DIP2B: variants seen among roughly 807,000 people sequenced by gnomAD.
DIP2B encodes disco-interacting protein 2 homolog B.
A neutral mutation model predicts 198.0 loss-of-function variants in DIP2B; 76 were observed. The ratio of observed to expected loss-of-function variants is 0.38; its 90% CI spans 0.32 to 0.46. The LOEUF is 0.46. Ranked by LOEUF, DIP2B falls within the 20% of genes least tolerant of loss-of-function variation. The pLI is 0.99. For missense variants in DIP2B, 1,559 were observed against 1,978.4 expected (o/e 0.79, Z 4.02); for synonymous variants, 701 against 739.1 (o/e 0.95, Z 0.84).
chr12:50,579,606 C>T (rs1198781746), intron 1 of DIP2B, among the ~76,000 whole-genome samples: 6 of 65,178 alleles, frequency 9.2e-5, no homozygotes, highest in Non-Finnish European at 1.6e-4. Context: ...AGTGAGACTC[C>T]GTCTCAAAAA....
chr12:50,540,786 C>G (rs1373682290), intron 1 of DIP2B, among the ~76,000 whole-genome samples: 1 of 151,764 alleles, frequency 6.6e-6, no homozygotes. Flanking sequence ...ATCCGCCCGC[C>G]TCGGCCTCCC....
chr12:50,714,685 T>G lies in DIP2B; in HGVS notation c.2851+89T>G, dbSNP rs185156191. On this transcript the variant is annotated intron_variant, in intron 23 of 37. Transcript: ENST00000301180. ...GTGTGATTCTTTCTCTACAATTAGTTTACAAAGACTTTGGGAGGCCAAGGT... is the reference window on the plus strand; with the variant it reads ...GTGTGATTCTTTCTCTACAATTAGTGTACAAAGACTTTGGGAGGCCAAGGT... 136 of 1,511,520 alleles carry G rather than the reference T, an allele frequency of 9.0e-5. 1 individual carries two copies. The highest frequency in any genetic ancestry group is 7.2e-4 in the Middle Eastern group (4 of 5,564). The allele number at this position is 1,511,520 out of a possible 1,614,324, so 93.6% of individuals were successfully genotyped here.
chr12:50,674,827 TC>T (rs1285910029), intron 6 of DIP2B, among the ~76,000 whole-genome samples, 198 bp downstream of exon 6: 2 of 152,170 alleles, frequency 1.3e-5, no homozygotes, highest in African/African-American at 4.8e-5. Context: ...AGTGGATACT[TC>T]CAGATGATAC....
intron 3 of DIP2B, among the ~76,000 whole-genome samples, chr12:50,650,376 G>A (rs1261467996): frequency 6.6e-6 from 1 of 152,148 alleles, no homozygotes; most frequent in South Asian, 2.1e-4. Context: ...ATACGTTACC[G>A]TATTGGTAAC....
At chr12:50,529,270 C>T (rs867066307) in intron 1 of DIP2B, among the ~76,000 whole-genome samples, 14 of 152,194 alleles carry the variant, frequency 9.2e-5, no homozygotes, top group African/African-American at 2.6e-4. Context: ...CTTGCCTGTA[C>T]GACAGAGTAA....
chr12:50,655,413 A>G (rs796197074), intron 3 of DIP2B, among the ~76,000 whole-genome samples: 6 of 152,326 alleles, frequency 3.9e-5, no homozygotes, highest in African/African-American at 1.2e-4. Flanking sequence ...GGGTAGTAAT[A>G]CTTCTTTAAG....
chr12:50,650,955 A>G (rs1458622615), intron 3 of DIP2B, among the ~76,000 whole-genome samples: 1 of 152,118 alleles, frequency 6.6e-6, no homozygotes, highest in Non-Finnish European at 1.5e-5. Flanking sequence ...ATTTCTCCAA[A>G]TCCTCTTCAA....
At chr12:50,734,327 ATTTGTT>A in intron 33 of DIP2B, 131 bp downstream of exon 33, 1 of 869,078 alleles carries the variant, frequency 1.2e-6, no homozygotes, top group East Asian at 2.5e-5. Context: ...GAGGGAAGGA[ATTTGTT>A]TTTATCATTA....
intron 1 of DIP2B, among the ~76,000 whole-genome samples, chr12:50,561,483 A>C (rs576538180): frequency 6.6e-6 from 1 of 151,994 alleles, no homozygotes; most frequent in African/African-American, 2.4e-5. Flanking sequence ...CTGTGAAACT[A>C]TTCAGAGTAC....
rs138570603 is a variant in DIP2B at position 50,589,984 on chromosome 12, T to TTC, written c.101-35976_101-35975dup. Among the ~76,000 whole-genome samples, 225 of 150,662 alleles carry TTC rather than the reference T, an allele frequency of 1.5e-3. 3 individuals are homozygous for TTC. The highest frequency in any genetic ancestry group is 4.7e-3 in the African/African-American group (194 of 41,178). Reference sequence around the variant, plus strand: ...GGCAGAGGAGATAGGCATTTCCTGTTTCTCTCTCTCTCTCTCTTTCTCTGT... The same window carrying TTC: ...GGCAGAGGAGATAGGCATTTCCTGTTTCTCTCTCTCTCTCTCTCTTTCTCTGT... On this transcript the variant is annotated intron_variant, in intron 1 of 37. Transcript: ENST00000301180.
intron 4 of DIP2B, among the ~76,000 whole-genome samples, chr12:50,670,101 T>G (rs1938824257): frequency 6.6e-6 from 1 of 151,822 alleles, no homozygotes; most frequent in Admixed American, 6.6e-5. Flanking sequence ...TTCCCCGGCT[T>G]TTGCTTCCCT....
chr12:50,563,233 C>G (rs1354997415), intron 1 of DIP2B, among the ~76,000 whole-genome samples: 1 of 152,204 alleles, frequency 6.6e-6, no homozygotes, highest in Non-Finnish European at 1.5e-5. Flanking sequence ...GTTGCCCAGG[C>G]TGGAGTGCAG....
In DIP2B at chr12:50,509,040, ATC is replaced by A. The variant is rs550919163; in HGVS notation, c.100+3804_100+3805del. Among the ~76,000 whole-genome samples the A allele has an allele frequency of 1.1e-4, 17 of 152,194 alleles. No homozygotes were observed. The East Asian group carries it at 3.3e-3, about 29-fold the overall frequency. ...CCACAGTGTTGATTCTCTCTCTGAA[ATC>A]TCTTTCAAATCCATCACTTATGCAT... On this transcript the variant is annotated intron_variant, in intron 1 of 37. Coordinates refer to ENST00000301180, the MANE Select transcript of DIP2B (RefSeq NM_173602.3).
At chr12:50,573,151 A>G (rs140099058) in intron 1 of DIP2B, among the ~76,000 whole-genome samples, 1 of 152,366 alleles carries the variant, frequency 6.6e-6, no homozygotes, top group African/African-American at 2.4e-5. Context: ...CTATCAGGTC[A>G]TAATCCAGAA....
chr12:50,746,384 T>C lies in DIP2B; in HGVS notation c.*1545T>C, dbSNP rs1940341147. The stretch of plus-strand genomic sequence containing the variant: ...TATTATTTACCCCACTGTAACATCA[T>C]GTAAACTAAGTATGTTTTTAAACAA... On this transcript the variant is annotated 3_prime_UTR_variant, in exon 38 of 38. Coordinates refer to ENST00000301180, the MANE Select transcript of DIP2B (RefSeq NM_173602.3). 1 of 152,234 alleles carries C rather than the reference T, an allele frequency of 6.6e-6. No individual in the cohort carries two copies. Among genetic ancestry groups the C allele is most frequent in the South Asian group, 2.1e-4 (1 of 4,826 alleles). The allele number at this position is 152,234 out of a possible 1,614,324, so 9.4% of individuals were successfully genotyped here. A position where few individuals can be genotyped will look rare whatever the true frequency, so the allele number is the denominator to read the frequency against.
chr12:50,556,065 T>C (rs544805998), intron 1 of DIP2B, among the ~76,000 whole-genome samples: 3 of 151,938 alleles, frequency 2.0e-5, no homozygotes, highest in Non-Finnish European at 2.9e-5. Flanking sequence ...TTGTTTTTTT[T>C]CCCCCCAAGA....
At chr12:50,511,279 A>C in intron 1 of DIP2B, among the ~76,000 whole-genome samples, 1 of 100,890 alleles carries the variant, frequency 9.9e-6, no homozygotes, top group African/African-American at 3.6e-5. Flanking sequence ...ATCCCTGACC[A>C]GTGTGATTTC....
chr12:50,643,866 G>A (rs1248021248), intron 3 of DIP2B, among the ~76,000 whole-genome samples: 2 of 152,104 alleles, frequency 1.3e-5, no homozygotes, highest in Non-Finnish European at 2.9e-5. Context: ...TGTTTGCTAC[G>A]CCAGTCATAG....
At chr12:50,509,905 A>G (rs889346409) in intron 1 of DIP2B, among the ~76,000 whole-genome samples, 9 of 152,230 alleles carry the variant, frequency 5.9e-5, no homozygotes, top group Non-Finnish European at 1.2e-4. Context: ...GAAAGCAGGA[A>G]TGTAGATTTT....
Sources: gnomAD v4.1 joint callset for allele counts (sites outside exome capture counted in the v4.1 genomes callset) on GRCh38, gnomAD v4.1.1 for gene constraint, MANE v1.5 for transcripts, NCBI Gene and HGNC (gene_info 2026-07-23, HGNC 2026-07-21) for gene names.